The following RYR3 variants were observed in gnomAD, a reference collection of about 807,000 sequenced individuals.
RYR3 encodes the protein brain ryanodine receptor-calcium release channel.
RYR3 carries 207 observed loss-of-function variants against 584.3 expected under a neutral mutation model. The observed-to-expected ratio is 0.35, with a 90% confidence interval of 0.32 to 0.40. The LOEUF is 0.40. Ranked by LOEUF, RYR3 falls within the 10% of genes least tolerant of loss-of-function variation. The pLI is 1.00. For missense variants in RYR3, 5,616 were observed against 6,089.2 expected (o/e 0.92, Z 2.59); for synonymous variants, 2,416 against 2,248.5 (o/e 1.07, Z -2.11).
chr15:33,724,114 G>A lies in RYR3; in HGVS notation c.6850G>A (p.Ala2284Thr), dbSNP rs201633381. 825 of 1,613,158 alleles carry A rather than the reference G, an allele frequency of 5.1e-4. No individual in the cohort carries two copies. The highest frequency in any genetic ancestry group is 6.7e-4 in the Non-Finnish European group (786 of 1,179,376). The change falls in exon 45 of 104, where the codon GCA becomes ACA. Residue 2284 changes from alanine (A) to threonine (T), a missense_variant. Physicochemically the swap from Ala to Thr is moderately conservative, Grantham distance 58. Around this residue, in one of 9 missense-constraint regions of RYR3, gnomAD observed 1,280 missense variants for 1,426.2 expected, o/e 0.90. Coordinates refer to ENST00000634891, the MANE Select transcript of RYR3 (RefSeq NM_001036.6). Reference sequence around the variant, plus strand: ...AGAAGAAATCGTGCATATGGGCAATGCAATTATGTCATTTTATTCGGCCCT... The same window carrying A: ...AGAAGAAATCGTGCATATGGGCAATACAATTATGTCATTTTATTCGGCCCT... ...EEEEIVHMGNAIMSFYSALID... is the reference protein window; with the variant it reads ...EEEEIVHMGNTIMSFYSALID...
chr15:33,595,790 T>C (rs1463623531), intron 16 of RYR3, among the ~76,000 whole-genome samples: 1 of 152,162 alleles, frequency 6.6e-6, no homozygotes, highest in Non-Finnish European at 1.5e-5. Flanking sequence ...TACAGGAAGA[T>C]ACATGGATGT....
intron 78 of RYR3, 116 bp from the exon 79 acceptor site, chr15:33,821,154 G>A: frequency 1.3e-6 from 1 of 749,418 alleles, no homozygotes; most frequent in Non-Finnish European, 2.3e-6. Flanking sequence ...CTTTATCCAA[G>A]TTGATGTGTG....
intron 36 of RYR3, 104 bp downstream of exon 36, chr15:33,663,841 C>A: frequency 1.0e-6 from 1 of 979,708 alleles, no homozygotes; most frequent in Non-Finnish European, 1.5e-6. Flanking sequence ...GCCTCAAGAG[C>A]TATGGAAGAT....
At chr15:33,769,380 G>A (rs534090916) in intron 62 of RYR3, among the ~76,000 whole-genome samples, 2 of 152,270 alleles carry the variant, frequency 1.3e-5, no homozygotes, top group African/African-American at 4.8e-5. Flanking sequence ...GAATGCAAAG[G>A]CCTGATCAAT....
intron 1 of RYR3, among the ~76,000 whole-genome samples, chr15:33,346,758 C>T (rs1972506583): frequency 1.3e-5 from 2 of 152,134 alleles, no homozygotes; most frequent in African/African-American, 2.4e-5. Flanking sequence ...CCAGCATAAT[C>T]GTGCTTGCTT....
rs552133524 is a variant in RYR3, at chr15:33,350,503, C to T, written c.51+39407C>T. On this transcript the variant is annotated intron_variant, in intron 1 of 103. Coordinates refer to ENST00000634891, the MANE Select transcript of RYR3 (RefSeq NM_001036.6). ...CACCTATTCCAAAATTGACCACATA[C>T]TTGGAAGTAAAGCTCTCCTCAGCAA... 4.6e-3 allele frequency among the ~76,000 whole-genome samples: 699 copies of T among 150,838 alleles called. 3 individuals carry two copies. Among genetic ancestry groups the T allele is most frequent in the Admixed American group, 8.4e-3 (128 of 15,180 alleles).
intron 43 of RYR3, among the ~76,000 whole-genome samples, chr15:33,716,874 C>CA (rs34280876): frequency 0.65 from 98,450 of 150,722 alleles, 32,790 homozygotes; most frequent in Middle Eastern, 0.77. Flanking sequence ...CTGAATGAAA[C>CA]AAAAAAAAAA....
Position 33,821,311 on chromosome 15 carries a change from T to G in RYR3, c.10857T>G (p.Ala3619=). ...MEKQKTLYQQ[A]RLHERGAAEM... Reference sequence around the variant, plus strand: ...AGCAAAAAACCCTCTATCAGCAAGCTCGGCTGCATGAGCGTGGTGCTGCAG... The same window carrying G: ...AGCAAAAAACCCTCTATCAGCAAGCGCGGCTGCATGAGCGTGGTGCTGCAG... Residue 3619 remains alanine (A), a synonymous_variant, in exon 79 of 104, where the codon GCT becomes GCG. Coordinates refer to ENST00000634891, the MANE Select transcript of RYR3 (RefSeq NM_001036.6). The G allele has an allele frequency of 1.2e-6, 2 of 1,603,848 alleles. No individual in the cohort carries two copies. Among genetic ancestry groups the G allele is most frequent in the Non-Finnish European group, 1.7e-6 (2 of 1,175,358 alleles).
intron 60 of RYR3, among the ~76,000 whole-genome samples, chr15:33,758,285 G>A (rs889985160): frequency 5.3e-5 from 8 of 152,094 alleles, no homozygotes; most frequent in Non-Finnish European, 7.4e-5. Context: ...GAATACCAGC[G>A]AGACAGAACT....
At chr15:33,462,057 C>T (rs1360385951) in intron 1 of RYR3, among the ~76,000 whole-genome samples, 2 of 152,152 alleles carry the variant, frequency 1.3e-5, no homozygotes, top group Non-Finnish European at 2.9e-5. Context: ...CTGGACAGGA[C>T]AGTTCAGAGG....
intron 12 of RYR3, among the ~76,000 whole-genome samples, chr15:33,579,222 G>C (rs1446513507): frequency 1.3e-5 from 2 of 151,972 alleles, no homozygotes; most frequent in African/African-American, 2.4e-5. Flanking sequence ...GGGAACACAG[G>C]GTGAGGAAAG....
intron 60 of RYR3, among the ~76,000 whole-genome samples, chr15:33,766,892 A>T (rs1211418004): frequency 6.6e-6 from 1 of 152,128 alleles, no homozygotes; most frequent in Non-Finnish European, 1.5e-5. Context: ...GGCCCTCATA[A>T]CTCTGGGCTA....
chr15:33,517,792 A>T (rs1409188775), intron 3 of RYR3, among the ~76,000 whole-genome samples: 1 of 152,178 alleles, frequency 6.6e-6, no homozygotes, highest in Non-Finnish European at 1.5e-5. Flanking sequence ...TATTACCCCC[A>T]CTATGACCCA....
intron 17 of RYR3, among the ~76,000 whole-genome samples, chr15:33,602,356 A>C (rs1322838126): frequency 6.6e-6 from 1 of 152,160 alleles, no homozygotes; most frequent in African/African-American, 2.4e-5. Context: ...GCTTTTAACC[A>C]CTTTGCTGGA....
chr15:33,484,954 T>A (rs931888808), intron 2 of RYR3, among the ~76,000 whole-genome samples: 1 of 152,144 alleles, frequency 6.6e-6, no homozygotes. Flanking sequence ...GTAAAGGAAT[T>A]GGTAAATCAC....
intron 42 of RYR3, among the ~76,000 whole-genome samples, chr15:33,702,525 G>A (rs1305200597): frequency 1.3e-5 from 2 of 152,198 alleles, no homozygotes; most frequent in African/African-American, 2.4e-5. Context: ...GAGTGCAGGA[G>A]GTAGAGCAGA....
chr15:33,361,941 C>T (rs1383843273), intron 1 of RYR3, among the ~76,000 whole-genome samples: 2 of 152,166 alleles, frequency 1.3e-5, no homozygotes, highest in South Asian at 2.1e-4. Flanking sequence ...AGCCCAGCAT[C>T]TTCCTCAGTG....
Position 33,857,898 on chromosome 15 carries a change from GCGA to G in RYR3, c.14131_14133del (p.Asp4711del). On this transcript the variant is annotated inframe_deletion, in exon 99 of 104. Transcript: ENST00000634891. The stretch of plus-strand genomic sequence containing the variant: ...GACGATGACGAGCCCGATATGAAGT[GCGA>G]CGACATGATGACGGTGAGAGCCCAC... The G allele has an allele frequency of 6.2e-7, 1 of 1,614,094 alleles. No homozygotes were observed. Among genetic ancestry groups the G allele is most frequent in the Non-Finnish European group, 8.5e-7 (1 of 1,180,030 alleles).
chr15:33,748,495 G>A lies in RYR3; in HGVS notation c.8164G>A (p.Asp2722Asn), dbSNP rs376553827. The stretch of plus-strand genomic sequence containing the variant: ...CAACAGCTACAGTCCTGCTCCCCTC[G>A]ACCTCTCAAACGTTGTGCTCTCCAG... ...QGNSYSPAPL[D>N]LSNVVLSREL... Residue 2722 changes from aspartate (D) to asparagine (N), a missense_variant, in exon 55 of 104, where the codon GAC becomes AAC. Around this residue, in one of 9 missense-constraint regions of RYR3, gnomAD observed 1,280 missense variants for 1,426.2 expected, o/e 0.90. Transcript: ENST00000634891. 15 of 1,613,154 alleles carry A rather than the reference G, an allele frequency of 9.3e-6. No individual in the cohort carries two copies. The highest frequency in any genetic ancestry group is 1.6e-4 in the Middle Eastern group (1 of 6,082).
Sources: gnomAD v4.1 joint callset for allele counts (sites outside exome capture counted in the v4.1 genomes callset) on GRCh38, gnomAD v4.1.1 for gene constraint, gnomAD v4.1.1 regional missense constraint, MANE v1.5 for transcripts, NCBI Gene and HGNC (gene_info 2026-07-23, HGNC 2026-07-21) for gene names.